TMEM132B: variants seen among roughly 807,000 people sequenced by gnomAD.
TMEM132B encodes transmembrane protein 132B.
Under a neutral mutation model 90.8 loss-of-function variants are expected in TMEM132B, and 18 were observed. That is an observed-to-expected ratio of 0.20 (90% CI 0.14 to 0.29). The LOEUF is 0.29. Ranked by LOEUF, TMEM132B falls within the 10% of genes least tolerant of loss-of-function variation. TMEM132B has a pLI of 1.00. For synonymous variants in TMEM132B, 504 were observed against 523.3 expected, an observed-to-expected ratio of 0.96 and a Z score of 0.50; for missense variants, 1,096 against 1,326.8, an observed-to-expected ratio of 0.83 and a Z score of 2.70.
intron 1 of TMEM132B, among the ~76,000 whole-genome samples, chr12:125,202,916 G>A (rs576048912): frequency 4.6e-4 from 70 of 152,240 alleles, no homozygotes; most frequent in South Asian, 1.7e-3. Flanking sequence ...TCCCCAGTAC[G>A]TGATCCAACA....
chr12:125,656,140 A>G lies in TMEM132B; in HGVS notation c.*1430A>G, dbSNP rs557378756. 6.6e-6 allele frequency: 1 copy of G among 152,348 alleles called. No individual in the cohort carries two copies. Among genetic ancestry groups the G allele is most frequent in the African/African-American group, 2.4e-5 (1 of 41,592 alleles). The allele number at this position is 152,348 out of a possible 1,614,324, so 9.4% of individuals were successfully genotyped here. Reference sequence around the variant, plus strand: ...CATCATGAATGGTCTTAAGGCAAAAATTTCAGATTAGCAAAATGTGATGAC... The same window carrying G: ...CATCATGAATGGTCTTAAGGCAAAAGTTTCAGATTAGCAAAATGTGATGAC... On this transcript the variant is annotated 3_prime_UTR_variant, in exon 9 of 9. Transcript: ENST00000682704.
At chr12:125,651,471 AT>A (rs1324213171) in intron 7 of TMEM132B, among the ~76,000 whole-genome samples, 1 of 152,230 alleles carries the variant, frequency 6.6e-6, no homozygotes, top group African/African-American at 2.4e-5. Context: ...TTATGCAGAA[AT>A]GGTGCAGAAT....
chr12:125,645,862 G>A (rs1052730586), intron 6 of TMEM132B, among the ~76,000 whole-genome samples: 12 of 152,154 alleles, frequency 7.9e-5, no homozygotes, highest in African/African-American at 1.7e-4. Flanking sequence ...GAATGTAGCC[G>A]TAACTCATAC....
chr12:125,350,082 G>A lies in TMEM132B; in HGVS notation c.698G>A (p.Gly233Asp). The change falls in exon 2 of 9, where the codon GGC becomes GAC. Residue 233 changes from glycine (G) to aspartate (D), a missense_variant. Transcript: ENST00000682704. ...FFTLYPADKAGQCPLEEEGKW... is the reference protein window; with the variant it reads ...FFTLYPADKADQCPLEEEGKW... ...ACGCTCTACCCAGCTGACAAGGCTG[G>A]CCAGTGTCCTCTGGAGGAGGAAGGC... 6.2e-7 allele frequency: 1 copy of A among 1,614,236 alleles called. No homozygotes were observed. The highest frequency in any genetic ancestry group is 1.3e-5 in the African/African-American group (1 of 75,070).
chr12:125,496,535 G>T (rs539432892), intron 3 of TMEM132B, among the ~76,000 whole-genome samples: 32 of 152,234 alleles, frequency 2.1e-4, no homozygotes, highest in Admixed American at 2.0e-3. Flanking sequence ...GTTGCAAGCA[G>T]TAGAGGCTTA....
chr12:125,479,285 C>T (rs1881975502), intron 3 of TMEM132B, among the ~76,000 whole-genome samples: 1 of 152,186 alleles, frequency 6.6e-6, no homozygotes, highest in Admixed American at 6.5e-5. Flanking sequence ...TGTAAATGGA[C>T]TAAATGCCCC....
chr12:125,633,285 C>G (rs1886408743), intron 5 of TMEM132B, among the ~76,000 whole-genome samples: 1 of 152,124 alleles, frequency 6.6e-6, no homozygotes, highest in Non-Finnish European at 1.5e-5. Flanking sequence ...TTATTTCAAT[C>G]TCTTTGTTAA....
At chr12:125,579,083 G>T (rs1005253719) in intron 4 of TMEM132B, among the ~76,000 whole-genome samples, 1 of 151,898 alleles carries the variant, frequency 6.6e-6, no homozygotes, top group Non-Finnish European at 1.5e-5. Flanking sequence ...GCTTATGCTG[G>T]TATGCTTGAT....
intron 1 of TMEM132B, among the ~76,000 whole-genome samples, chr12:125,239,129 CA>C (rs1455375846): frequency 6.6e-6 from 1 of 151,670 alleles, no homozygotes; most frequent in East Asian, 1.9e-4. Context: ...GATGGATGGA[CA>C]ATTCAGTTTT....
intron 5 of TMEM132B, among the ~76,000 whole-genome samples, chr12:125,626,755 T>C (rs1374016174): frequency 6.6e-6 from 1 of 152,214 alleles, no homozygotes; most frequent in East Asian, 1.9e-4. Context: ...GCAGTTTGCA[T>C]ATTACATGCC....
chr12:125,605,392 G>A (rs77503335), intron 5 of TMEM132B, among the ~76,000 whole-genome samples: 11,382 of 152,176 alleles, frequency 0.075, 501 homozygotes, highest in East Asian at 0.15. Context: ...ACTGCAACAA[G>A]TCTCTATATT....
At chr12:125,399,905 G>A (rs778671325) in intron 2 of TMEM132B, among the ~76,000 whole-genome samples, 1 of 152,206 alleles carries the variant, frequency 6.6e-6, no homozygotes, top group Non-Finnish European at 1.5e-5. Flanking sequence ...AGGCAAACAG[G>A]TTGAGGATCA....
intron 3 of TMEM132B, among the ~76,000 whole-genome samples, chr12:125,439,995 A>G (rs953389698): frequency 6.6e-6 from 1 of 152,166 alleles, no homozygotes; most frequent in Non-Finnish European, 1.5e-5. Flanking sequence ...TGTTGAACCA[A>G]CCTTGCATCC....
At chr12:125,443,452 G>A (rs1405351398) in intron 3 of TMEM132B, among the ~76,000 whole-genome samples, 1 of 152,064 alleles carries the variant, frequency 6.6e-6, no homozygotes, top group East Asian at 1.9e-4. Context: ...GAGTGGGGAG[G>A]GCCTTGATTT....
At chr12:125,481,467 C>T (rs1381316964) in intron 3 of TMEM132B, among the ~76,000 whole-genome samples, 1 of 152,136 alleles carries the variant, frequency 6.6e-6, no homozygotes, top group African/African-American at 2.4e-5. Flanking sequence ...CAGTAACAGA[C>T]AGAGAGCCAA....
chr12:125,595,407 G>A (rs747532473), intron 5 of TMEM132B, among the ~76,000 whole-genome samples: 11 of 152,110 alleles, frequency 7.2e-5, no homozygotes, highest in South Asian at 2.1e-4. Flanking sequence ...ATCACTTTCC[G>A]GGGGATTTGG....
intron 5 of TMEM132B, among the ~76,000 whole-genome samples, chr12:125,604,202 C>A (rs1368375877): frequency 6.6e-6 from 1 of 152,106 alleles, no homozygotes; most frequent in Non-Finnish European, 1.5e-5. Context: ...AACCAAAATG[C>A]CCATCAATGA....
intron 3 of TMEM132B, among the ~76,000 whole-genome samples, chr12:125,440,389 T>C (rs1527131): frequency 0.55 from 83,524 of 152,044 alleles, 24,459 homozygotes; most frequent in African/African-American, 0.77. Context: ...TGTTGTTAAA[T>C]ATTGGCAGAT....
rs1415097679 is a variant in TMEM132B at position 125,186,501 on chromosome 12, G to A, written c.-299G>A. Reference sequence around the variant, plus strand: ...GGGGCGCAGGAGCCGCGGCGGCGGCGGCGGCGGGGGCCGCGCAACTCGGGC... The same window carrying A: ...GGGGCGCAGGAGCCGCGGCGGCGGCAGCGGCGGGGGCCGCGCAACTCGGGC... On this transcript the variant is annotated 5_prime_UTR_variant, in exon 1 of 9. Transcript: ENST00000682704. The surrounding 1 kb of genome is among the most constrained non-coding windows in gnomAD (Gnocchi z 6.3). Among the ~76,000 whole-genome samples, 2 of 146,430 alleles carry A rather than the reference G, an allele frequency of 1.4e-5. No individual in the cohort carries two copies. The highest frequency in any genetic ancestry group is 3.0e-5 in the Non-Finnish European group (2 of 65,892).
Sources: allele counts gnomAD v4.1 joint callset (sites outside exome capture counted in the v4.1 genomes callset), GRCh38; gene constraint gnomAD v4.1.1; non-coding constraint Gnocchi (gnomAD v3.1); transcripts MANE v1.5; gene names NCBI Gene and HGNC (gene_info 2026-07-23, HGNC 2026-07-21).